MGST1: variants seen among roughly 807,000 people sequenced by gnomAD.
MGST1 encodes the protein microsomal glutathione S-transferase 1.
Under a neutral mutation model 8.9 loss-of-function variants are expected in MGST1, and 5 were observed. The ratio of observed to expected loss-of-function variants is 0.56; its 90% CI spans 0.29 to 1.19. The LOEUF (loss-of-function observed/expected upper bound fraction) is 1.19. Among genes scored for constraint, MGST1 ranks in the 50% most tolerant of loss-of-function variants. MGST1 has a pLI of 0.08. For missense variants in MGST1, 182 were observed against 187.4 expected (o/e 0.97, Z 0.17); for synonymous variants, 54 against 67.8 (o/e 0.80, Z 1.00).
chr12:16,407,684 C>G (rs868175674), intron 1 of MGST1, among the ~76,000 whole-genome samples: 1 of 151,808 alleles, frequency 6.6e-6, no homozygotes, highest in South Asian at 2.1e-4. Context: ...CATTTGTGAA[C>G]TAGATAAAAA....
At chr12:16,550,626 C>T (rs1368553690) in intron 4 of MGST1, 1 of 152,282 alleles carries the variant, frequency 6.6e-6, no homozygotes, top group Non-Finnish European at 1.5e-5. Context: ...TAGACTCTAA[C>T]TCATAGCGGC....
At chr12:16,359,242 G>A (rs1939878682) in intron 3 of MGST1, among the ~76,000 whole-genome samples, 1 of 152,098 alleles carries the variant, frequency 6.6e-6, no homozygotes, top group South Asian at 2.1e-4. Flanking sequence ...CTTCACGCAA[G>A]CAATGCCCAG....
intron 4 of MGST1, among the ~76,000 whole-genome samples, chr12:16,566,708 A>C (rs567032025): frequency 6.6e-6 from 1 of 152,254 alleles, no homozygotes; most frequent in Admixed American, 6.5e-5. Context: ...TTCTTTATTA[A>C]CACATACAGA....
intron 3 of MGST1, among the ~76,000 whole-genome samples, chr12:16,360,831 G>T (rs1939955307): frequency 6.6e-6 from 1 of 152,200 alleles, no homozygotes; most frequent in Admixed American, 6.5e-5. Context: ...TAGGCTAGGG[G>T]TTGAACTGGA....
exon 4 of MGST1, chr12:16,376,946 TTTTA>T (rs1270101455): frequency 1.3e-5 from 2 of 152,112 alleles, no homozygotes; most frequent in East Asian, 1.9e-4. Context: ...TTCTCATTCC[TTTTA>T]TTTATGTTTG....
chr12:16,401,740 T>C lies in MGST1; in HGVS notation n.778+18136T>C. 6.2e-7 allele frequency: 1 copy of C among 1,600,528 alleles called. No individual in the cohort carries two copies. Among genetic ancestry groups the C allele is most frequent in the South Asian group, 1.1e-5 (1 of 90,806 alleles). ...GGGTCTGCCCCAGCAAGGTATTTTT[T>C]CTCTTCAACGGCCTTTTCCACAGAC... On this transcript the variant is annotated intron_variant and non_coding_transcript_variant, in intron 1 of 1. Coordinates refer to the MGST1 transcript ENST00000359720. The surrounding 1 kb of genome is among the most constrained non-coding windows in gnomAD (Gnocchi z 4.3).
chr12:16,420,242 A>G (rs1356708281), intron 1 of MGST1, among the ~76,000 whole-genome samples: 1 of 151,834 alleles, frequency 6.6e-6, no homozygotes, highest in African/African-American at 2.4e-5. Flanking sequence ...CAAGATGCCC[A>G]CTTCCATCTG....
Position 16,587,837 on chromosome 12 carries a change from T to C in MGST1, n.483-1691T>C, listed in dbSNP as rs1591815914. ...TTCAGGGGGAGGGAGAGGAACCTTGTCTCATATTAATGCTGCCAGTAGCTA... is the reference window on the plus strand; with the variant it reads ...TTCAGGGGGAGGGAGAGGAACCTTGCCTCATATTAATGCTGCCAGTAGCTA... On this transcript the variant is annotated intron_variant and non_coding_transcript_variant, in intron 4 of 4. Transcript: ENST00000538857. The surrounding 1 kb of genome is among the most constrained non-coding windows in gnomAD (Gnocchi z 4.3). Among the ~76,000 whole-genome samples the C allele has an allele frequency of 6.6e-6, 1 of 152,078 alleles. No individual in the cohort carries two copies. Among genetic ancestry groups the C allele is most frequent in the African/African-American group, 2.4e-5 (1 of 41,432 alleles).
At chr12:16,375,672 C>T (rs1185880948) in intron 3 of MGST1, among the ~76,000 whole-genome samples, 1 of 151,854 alleles carries the variant, frequency 6.6e-6, no homozygotes, top group Non-Finnish European at 1.5e-5. Flanking sequence ...AGAAGATACA[C>T]ATACAAAATC....
At chr12:16,543,689 A>C (rs1941805367) in intron 4 of MGST1, among the ~76,000 whole-genome samples, 1 of 152,028 alleles carries the variant, frequency 6.6e-6, no homozygotes, top group Non-Finnish European at 1.5e-5. Context: ...GAAAACTGTT[A>C]CTAATATAAA....
At chr12:16,398,236 G>A (rs1362431384) in intron 1 of MGST1, among the ~76,000 whole-genome samples, 3 of 152,142 alleles carry the variant, frequency 2.0e-5, no homozygotes, top group African/African-American at 7.2e-5. Flanking sequence ...GAGCATGGAA[G>A]GAACTGCAGT....
Position 16,580,081 on chromosome 12 carries a change from A to G in MGST1, n.483-9447A>G, listed in dbSNP as rs141657425. The stretch of plus-strand genomic sequence containing the variant: ...GATATTATGTATTTCCTGATATTAT[A>G]CAATATGATATCATTTATCATGTAT... On this transcript the variant is annotated intron_variant and non_coding_transcript_variant, in intron 4 of 4. Transcript: ENST00000538857. Among the ~76,000 whole-genome samples, 748 of 152,334 alleles carry G rather than the reference A, an allele frequency of 4.9e-3. 4 individuals are homozygous for G. Among genetic ancestry groups the G allele is most frequent in the Middle Eastern group, 0.017 (5 of 294 alleles).
rs1939795944 is a variant in MGST1 at position 16,357,888 on chromosome 12, A to C, written c.221+189A>C. Among the ~76,000 whole-genome samples the C allele has an allele frequency of 2.0e-5, 3 of 152,218 alleles. No homozygotes were observed. In the South Asian group the frequency reaches 6.2e-4, roughly 32 times the overall value. On this transcript the variant is annotated intron_variant, in intron 3 of 3. Coordinates refer to ENST00000396210, the MANE Select transcript of MGST1 (RefSeq NM_020300.5). ...CACTTGTATGTGTTGCCAATTTGGC[A>C]ATACTGTACTTTTATGTGTACTTTC...
intron 1 of MGST1, among the ~76,000 whole-genome samples, chr12:16,417,899 T>C (rs1348154022): frequency 6.6e-6 from 1 of 152,178 alleles, no homozygotes; most frequent in African/African-American, 2.4e-5. Flanking sequence ...GTATTTAAAG[T>C]ATCAAGGCAA....
chr12:16,552,259 C>A (rs753500664), intron 4 of MGST1, among the ~76,000 whole-genome samples: 4 of 151,916 alleles, frequency 2.6e-5, no homozygotes, highest in Non-Finnish European at 5.9e-5. Context: ...ACAATTTAAC[C>A]TTCAAATAGT....
At chr12:16,420,111 A>AG (rs1591722605) in intron 1 of MGST1, among the ~76,000 whole-genome samples, 1 of 152,292 alleles carries the variant, frequency 6.6e-6, no homozygotes, top group East Asian at 1.9e-4. Context: ...TTAGCTTTAC[A>AG]TATATGAATT....
At chr12:16,579,858 C>T (rs1353479605) in intron 4 of MGST1, among the ~76,000 whole-genome samples, 1 of 152,158 alleles carries the variant, frequency 6.6e-6, no homozygotes, top group Non-Finnish European at 1.5e-5. Flanking sequence ...TCAACCTGTA[C>T]TGATTTAGAT....
chr12:16,583,125 A>G (rs1943217614), intron 4 of MGST1, among the ~76,000 whole-genome samples: 1 of 151,972 alleles, frequency 6.6e-6, no homozygotes, highest in African/African-American at 2.4e-5. Flanking sequence ...AGAATAAATG[A>G]TCAACACTAT....
At chr12:16,384,359 G>T (rs1940485416) in intron 1 of MGST1, among the ~76,000 whole-genome samples, 1 of 152,180 alleles carries the variant, frequency 6.6e-6, no homozygotes, top group African/African-American at 2.4e-5. Flanking sequence ...GGATTAGATT[G>T]GGCTCTAAAT....
Sources: allele counts gnomAD v4.1 joint callset (sites outside exome capture counted in the v4.1 genomes callset), GRCh38; gene constraint gnomAD v4.1.1; non-coding constraint Gnocchi (gnomAD v3.1); transcripts MANE v1.5; gene names NCBI Gene and HGNC (gene_info 2026-07-23, HGNC 2026-07-21).